PPM1L: variants seen among roughly 807,000 people sequenced by gnomAD.
PPM1L encodes protein phosphatase, Mg2+/Mn2+ dependent 1L, also known as protein phosphatase 1L.
In PPM1L, 13 loss-of-function variants were observed where a neutral mutation model predicts 31.4. That is an observed-to-expected ratio of 0.41 (90% confidence interval 0.27 to 0.66). PPM1L has a LOEUF of 0.66. Ranked by LOEUF, PPM1L falls within the 30% of genes least tolerant of loss-of-function variation. The probability of loss-of-function intolerance (pLI) is 0.29; values close to 1 mark genes in which losing one functional copy is unlikely to be tolerated. For missense variants in PPM1L, 326 were observed against 453.7 expected (o/e 0.72, Z 2.56); for synonymous variants, 184 against 175.4 (o/e 1.05, Z -0.39).
At chr3:160,902,152 C>CTGTT (rs1206386535) in intron 1 of PPM1L, among the ~76,000 whole-genome samples, 1 of 151,998 alleles carries the variant, frequency 6.6e-6, no homozygotes, top group South Asian at 2.1e-4. Context: ...AAGCATTTTT[C>CTGTT]TGTTTGTGTG....
chr3:160,905,861 A>AT (rs1382454502), intron 1 of PPM1L, among the ~76,000 whole-genome samples: 3 of 151,984 alleles, frequency 2.0e-5, no homozygotes, highest in Admixed American at 1.3e-4. Context: ...TAAAAATCAC[A>AT]TTTTTTTCTA....
chr3:160,803,070 C>T (rs1576644539), intron 1 of PPM1L, among the ~76,000 whole-genome samples: 1 of 152,154 alleles, frequency 6.6e-6, no homozygotes, highest in African/African-American at 2.4e-5. Flanking sequence ...CTGGCTGCAG[C>T]ATTAAGGCGA....
chr3:161,076,193 T>A lies in PPM1L; in HGVS notation c.*7036T>A, dbSNP rs1014329856. Reference sequence around the variant, plus strand: ...TCCTGTAGAAATGATGTATTAGACATCTCTAACCCAAGAAAAAGATGTCTT... The same window carrying A: ...TCCTGTAGAAATGATGTATTAGACAACTCTAACCCAAGAAAAAGATGTCTT... On this transcript the variant is annotated 3_prime_UTR_variant, in exon 4 of 4. Coordinates refer to ENST00000498165, the MANE Select transcript of PPM1L (RefSeq NM_139245.4). 1 of 152,224 alleles carries A rather than the reference T, an allele frequency of 6.6e-6. No homozygotes were observed. The allele number at this position is 152,224 out of a possible 1,614,324, so 9.4% of individuals were successfully genotyped here. A position where few individuals can be genotyped will look rare whatever the true frequency, so the allele number is the denominator to read the frequency against.
intron 2 of PPM1L, among the ~76,000 whole-genome samples, chr3:161,056,836 T>C (rs914150808): frequency 5.9e-5 from 9 of 151,888 alleles, no homozygotes; most frequent in Admixed American, 2.0e-4. Context: ...CCGAGGTGGG[T>C]AGATCACCTG....
At chr3:160,845,267 A>C (rs1221245117) in intron 1 of PPM1L, among the ~76,000 whole-genome samples, 2 of 152,102 alleles carry the variant, frequency 1.3e-5, no homozygotes, top group African/African-American at 4.8e-5. Context: ...TATGTACATA[A>C]AAAGAATATG....
intron 1 of PPM1L, among the ~76,000 whole-genome samples, chr3:160,759,470 T>C (rs1332972302): frequency 2.6e-5 from 4 of 152,162 alleles, no homozygotes; most frequent in Admixed American, 6.5e-5. Flanking sequence ...AGTTGTGACC[T>C]TCCTAAGGCT....
intron 1 of PPM1L, among the ~76,000 whole-genome samples, chr3:160,763,304 T>C (rs1715017535): frequency 6.6e-6 from 1 of 152,326 alleles, no homozygotes; most frequent in African/African-American, 2.4e-5. Flanking sequence ...AAGATTTTAT[T>C]TGTATCATGC....
At chr3:160,949,542 T>C (rs1715510143) in intron 1 of PPM1L, among the ~76,000 whole-genome samples, 1 of 152,058 alleles carries the variant, frequency 6.6e-6, no homozygotes, top group African/African-American at 2.4e-5. Flanking sequence ...GGAAGAAACA[T>C]TGTGGGCACG....
intron 1 of PPM1L, among the ~76,000 whole-genome samples, chr3:160,795,130 G>A (rs1440548176): frequency 6.6e-6 from 1 of 152,180 alleles, no homozygotes; most frequent in Non-Finnish European, 1.5e-5. Flanking sequence ...AAATGGGAAA[G>A]TGCCACATAC....
chr3:161,060,291 A>C (rs1015504891), intron 2 of PPM1L, among the ~76,000 whole-genome samples: 16 of 152,166 alleles, frequency 1.1e-4, no homozygotes, highest in African/African-American at 3.6e-4. Flanking sequence ...CAGCGAGTAC[A>C]AAAGCCCAAA....
chr3:161,019,319 G>A (rs1373554184), intron 2 of PPM1L, among the ~76,000 whole-genome samples: 1 of 147,270 alleles, frequency 6.8e-6, no homozygotes, highest in Non-Finnish European at 1.5e-5. Context: ...TCAACTCCCC[G>A]AGTAGCTGGG....
At chr3:160,766,525 C>A (rs1715105230) in intron 1 of PPM1L, among the ~76,000 whole-genome samples, 2 of 152,092 alleles carry the variant, frequency 1.3e-5, no homozygotes, top group African/African-American at 4.8e-5. Flanking sequence ...ATTCTCTCTC[C>A]TGCCACTCTG....
At chr3:161,017,893 T>A (rs1718130321) in intron 2 of PPM1L, among the ~76,000 whole-genome samples, 1 of 152,168 alleles carries the variant, frequency 6.6e-6, no homozygotes, top group Non-Finnish European at 1.5e-5. Context: ...TTTACTCCAA[T>A]GAAGTACCTA....
At chr3:160,985,759 C>T (rs1421166850) in intron 2 of PPM1L, among the ~76,000 whole-genome samples, 1 of 151,954 alleles carries the variant, frequency 6.6e-6, no homozygotes. Context: ...TAATGCTGTG[C>T]AAAGGAGCTA....
intron 1 of PPM1L, among the ~76,000 whole-genome samples, chr3:160,818,017 C>T (rs1023030012): frequency 6.6e-6 from 1 of 151,736 alleles, no homozygotes; most frequent in African/African-American, 2.4e-5. Flanking sequence ...TCACAGTTAA[C>T]AGATGGAAGG....
At chr3:160,995,318 AT>A (rs1014728851) in intron 2 of PPM1L, among the ~76,000 whole-genome samples, 1 of 151,140 alleles carries the variant, frequency 6.6e-6, no homozygotes, top group Non-Finnish European at 1.5e-5. Context: ...GTAGGTAGAG[AT>A]TTTTTTTTCT....
chr3:160,862,321 G>T (rs1023090268), intron 1 of PPM1L, among the ~76,000 whole-genome samples: 1 of 152,078 alleles, frequency 6.6e-6, no homozygotes, highest in Non-Finnish European at 1.5e-5. Context: ...AGTTGAAAGT[G>T]GTTTCCTTCA....
intron 2 of PPM1L, among the ~76,000 whole-genome samples, chr3:161,045,637 T>A (rs1191538274): frequency 2.0e-5 from 3 of 152,116 alleles, no homozygotes; most frequent in Non-Finnish European, 4.4e-5. Flanking sequence ...TAGAGGGAAA[T>A]TTATAGCACT....
intron 1 of PPM1L, among the ~76,000 whole-genome samples, chr3:160,817,519 T>C (rs148441507): frequency 6.6e-6 from 1 of 152,256 alleles, no homozygotes; most frequent in African/African-American, 2.4e-5. Context: ...CTTCAGATAT[T>C]CTGTTTTCAA....
Sources: gnomAD v4.1 joint callset for allele counts (sites outside exome capture counted in the v4.1 genomes callset) on GRCh38, gnomAD v4.1.1 for gene constraint, MANE v1.5 for transcripts, NCBI Gene and HGNC (gene_info 2026-07-23, HGNC 2026-07-21) for gene names.